The following LHPP variants were observed in gnomAD, a reference collection of about 807,000 sequenced individuals.
The protein encoded by LHPP is hLHPP.
In LHPP, 24 loss-of-function variants were observed where a neutral mutation model predicts 30.3. That is an observed-to-expected ratio of 0.79 (90% CI 0.57 to 1.11). The LOEUF is 1.11. LHPP is among the 50% of genes most tolerant of loss of function. The pLI is 0.00. For synonymous variants in LHPP, 150 were observed against 157.1 expected, an observed-to-expected ratio of 0.95 and a Z score of 0.34; for missense variants, 356 against 367.2, an observed-to-expected ratio of 0.97 and a Z score of 0.25.
At chr10:124,577,026 A>G (rs958612399) in intron 6 of LHPP, among the ~76,000 whole-genome samples, 3 of 152,230 alleles carry the variant, frequency 2.0e-5, no homozygotes, top group African/African-American at 7.2e-5. Context: ...GAAACCGAAT[A>G]ATAGAGTCTA....
chr10:124,528,150 G>A (rs1032998804), intron 6 of LHPP, among the ~76,000 whole-genome samples: 12 of 152,228 alleles, frequency 7.9e-5, no homozygotes, highest in African/African-American at 2.9e-4. Context: ...GGTTAAGCTC[G>A]GCCCCTAGAG....
intron 3 of LHPP, among the ~76,000 whole-genome samples, chr10:124,495,931 C>T (rs1170412273): frequency 3.9e-5 from 6 of 152,214 alleles, no homozygotes; most frequent in Non-Finnish European, 8.8e-5. Flanking sequence ...CAGGCGTAAG[C>T]AACCCAAAGT....
In LHPP at chr10:124,601,505, T is replaced by A. The variant is rs527563624; in HGVS notation, c.717-11759T>A. Among the ~76,000 whole-genome samples, 3 of 151,704 alleles carry A rather than the reference T, an allele frequency of 2.0e-5. No homozygotes were observed. In the South Asian group the frequency reaches 6.3e-4, roughly 32 times the overall value. ...GTACCGCATTTGCCACGTGAGGGAGTCTCTGGAGACCACCAACCCGCTGGT... is the reference window on the plus strand; with the variant it reads ...GTACCGCATTTGCCACGTGAGGGAGACTCTGGAGACCACCAACCCGCTGGT... On this transcript the variant is annotated intron_variant, in intron 6 of 6. Transcript: ENST00000368842.
intron 5 of LHPP, chr10:124,498,397 A>G (rs1953794920): frequency 6.5e-7 from 1 of 1,548,246 alleles, no homozygotes; most frequent in African/African-American, 1.4e-5. Flanking sequence ...GCTTCTCTGA[A>G]AGGATAAGAA....
chr10:124,536,006 G>A (rs1224836876), intron 6 of LHPP, among the ~76,000 whole-genome samples: 4 of 152,262 alleles, frequency 2.6e-5, no homozygotes, highest in Admixed American at 6.5e-5. Context: ...CTGGGCTGGG[G>A]TGGGAGGTTC....
intron 6 of LHPP, among the ~76,000 whole-genome samples, chr10:124,569,024 T>C (rs1157549239): frequency 2.0e-5 from 3 of 152,192 alleles, no homozygotes; most frequent in Non-Finnish European, 4.4e-5. Flanking sequence ...GGAGTGGCCA[T>C]TGCAGGACCT....
chr10:124,488,131 G>C (rs1265147474), intron 2 of LHPP, among the ~76,000 whole-genome samples: 2 of 152,130 alleles, frequency 1.3e-5, no homozygotes, highest in South Asian at 4.1e-4. Flanking sequence ...TGGGTTTCCT[G>C]CCTGCGATAG....
At chr10:124,475,828 C>A (rs953040829) in intron 1 of LHPP, among the ~76,000 whole-genome samples, 2 of 152,166 alleles carry the variant, frequency 1.3e-5, no homozygotes, top group Admixed American at 6.5e-5. Flanking sequence ...GGATCCCCAC[C>A]CCTCACCCCC....
intron 6 of LHPP, among the ~76,000 whole-genome samples, chr10:124,565,580 A>ACG (rs1461953585): frequency 6.6e-6 from 1 of 152,168 alleles, no homozygotes; most frequent in Non-Finnish European, 1.5e-5. Context: ...CCCTTAAGGG[A>ACG]CGCACTGGGG....
At chr10:124,539,067 C>T (rs1254784536) in intron 6 of LHPP, among the ~76,000 whole-genome samples, 1 of 152,156 alleles carries the variant, frequency 6.6e-6, no homozygotes, top group African/African-American at 2.4e-5. Flanking sequence ...TATTCGGGGC[C>T]TCTTATTGAG....
At chr10:124,495,926 G>A (rs931516930) in intron 3 of LHPP, among the ~76,000 whole-genome samples, 3 of 152,176 alleles carry the variant, frequency 2.0e-5, no homozygotes, top group South Asian at 2.1e-4. Context: ...GCCCACAGGC[G>A]TAAGCAACCC....
rs144221384 is a variant in LHPP at position 124,558,332 on chromosome 10, C to T, written c.716+41061C>T. On this transcript the variant is annotated intron_variant, in intron 6 of 6. Transcript: ENST00000368842. Reference sequence around the variant, plus strand: ...TAGTTGGCACTCCCAGTGGGCCCCACGAGCCGCGTGTTGCTATGCACAGCC... The same window carrying T: ...TAGTTGGCACTCCCAGTGGGCCCCATGAGCCGCGTGTTGCTATGCACAGCC... Among the ~76,000 whole-genome samples the T allele has an allele frequency of 3.3e-3, 502 of 152,310 alleles. 3 individuals are homozygous for T. The highest frequency in any genetic ancestry group is 0.01 in the Middle Eastern group (3 of 294).
At chr10:124,609,026 G>A (rs1227045987) in intron 6 of LHPP, among the ~76,000 whole-genome samples, 1 of 152,190 alleles carries the variant, frequency 6.6e-6, no homozygotes, top group Non-Finnish European at 1.5e-5. Flanking sequence ...AGCTTGAGAA[G>A]GGGCCTGTCC....
At chr10:124,477,226 T>A (rs1028299752) in intron 1 of LHPP, among the ~76,000 whole-genome samples, 1 of 152,108 alleles carries the variant, frequency 6.6e-6, no homozygotes, top group Non-Finnish European at 1.5e-5. Flanking sequence ...TTCATGCCAG[T>A]GGCATTGCTG....
Position 124,515,386 on chromosome 10 carries a change from A to G in LHPP, c.625-1794A>G, listed in dbSNP as rs530538339. Among the ~76,000 whole-genome samples the G allele has an allele frequency of 2.6e-5, 4 of 152,262 alleles. No individual in the cohort carries two copies. The East Asian group carries it at 7.7e-4, about 29-fold the overall frequency. ...TCTTCCATTTCTCTACTTTTGGAAC[A>G]CATGAAATACCATTACAAGGGCTGA... On this transcript the variant is annotated intron_variant, in intron 5 of 6. Coordinates refer to ENST00000368842, the MANE Select transcript of LHPP (RefSeq NM_022126.4).
rs1351464100 is a variant in LHPP at position 124,478,124 on chromosome 10, T to C, written c.126-6015T>C. Among the ~76,000 whole-genome samples the C allele has an allele frequency of 6.6e-6, 1 of 152,114 alleles. No individual in the cohort carries two copies. Among genetic ancestry groups the C allele is most frequent in the Non-Finnish European group, 1.5e-5 (1 of 68,014 alleles). On this transcript the variant is annotated intron_variant, in intron 1 of 6. Transcript: ENST00000368842. This position sits in a 1 kb window ranked among gnomAD's most constrained non-coding sequence, Gnocchi z 4.7. ...ACCCTGCCCTCCCAAGCCCCGGGCT[T>C]GCAGAGGAGGCAGGAGGAGGGAGGT...
intron 6 of LHPP, among the ~76,000 whole-genome samples, chr10:124,565,724 GT>G (rs1430547796): frequency 6.6e-6 from 1 of 152,218 alleles, no homozygotes; most frequent in African/African-American, 2.4e-5. Flanking sequence ...AAGAAGCCAT[GT>G]TCCCATCGTC....
At chr10:124,499,305 C>T (rs1033723716) in intron 5 of LHPP, among the ~76,000 whole-genome samples, 1 of 147,494 alleles carries the variant, frequency 6.8e-6, no homozygotes, top group African/African-American at 2.6e-5. Context: ...CAGGCATGAG[C>T]CACCAACACA....
chr10:124,473,879 C>T (rs541764561), intron 1 of LHPP, among the ~76,000 whole-genome samples: 2 of 152,178 alleles, frequency 1.3e-5, no homozygotes, highest in African/African-American at 2.4e-5. Flanking sequence ...ACCTGGGAGG[C>T]GGAGGTTGCA....
Sources: allele counts gnomAD v4.1 joint callset (sites outside exome capture counted in the v4.1 genomes callset), GRCh38; gene constraint gnomAD v4.1.1; non-coding constraint Gnocchi (gnomAD v3.1); transcripts MANE v1.5; gene names NCBI Gene and HGNC (gene_info 2026-07-23, HGNC 2026-07-21).